SORCS2: variants seen among roughly 807,000 people sequenced by gnomAD.
SORCS2 encodes the protein sortilin related VPS10 domain containing receptor 2, also known as VPS10 domain-containing receptor SorCS2.
SORCS2 carries 100 observed loss-of-function variants against 141.6 expected under a neutral mutation model. That is an observed-to-expected ratio of 0.71 (90% confidence interval 0.60 to 0.83). The LOEUF (loss-of-function observed/expected upper bound fraction) is 0.83. Among genes scored for constraint, SORCS2 ranks in the 40% least tolerant of loss-of-function variants. The probability of loss-of-function intolerance (pLI) is 0.00; values close to 1 mark genes in which losing one functional copy is unlikely to be tolerated. For synonymous variants in SORCS2, 789 were observed against 676.9 expected, an observed-to-expected ratio of 1.17 and a Z score of -2.57; for missense variants, 1,646 against 1,560.2, an observed-to-expected ratio of 1.05 and a Z score of -0.93.
chr4:7,601,779 A>G (rs1717701658), intron 3 of SORCS2, among the ~76,000 whole-genome samples: 1 of 152,104 alleles, frequency 6.6e-6, no homozygotes, highest in Non-Finnish European at 1.5e-5. Context: ...AAACATGTGA[A>G]CAAAGGTCTC....
At chr4:7,287,159 G>A (rs528830749) in intron 1 of SORCS2, among the ~76,000 whole-genome samples, 8 of 152,316 alleles carry the variant, frequency 5.3e-5, no homozygotes, top group African/African-American at 1.9e-4. Context: ...TGCCCAATGA[G>A]GGGTGCAAAG....
chr4:7,690,862 T>C (rs1028758785), intron 11 of SORCS2, among the ~76,000 whole-genome samples: 2 of 152,218 alleles, frequency 1.3e-5, no homozygotes, highest in Non-Finnish European at 2.9e-5. Context: ...TTTGTGTTTG[T>C]CTCTTCCACT....
In SORCS2 at chr4:7,729,437, G is replaced by A. The variant is rs548534822; in HGVS notation, c.2983-150G>A. On this transcript the variant is annotated intron_variant, in intron 22 of 26. Coordinates refer to ENST00000507866, the MANE Select transcript of SORCS2 (RefSeq NM_020777.3). Reference sequence around the variant, plus strand: ...GTAGCTCAGGGTACCCTGGGACCCTGGAAGGATCCCCACGCCATGCAGGGG... The same window carrying A: ...GTAGCTCAGGGTACCCTGGGACCCTAGAAGGATCCCCACGCCATGCAGGGG... 4.6e-6 allele frequency: 5 copies of A among 1,082,980 alleles called. No homozygotes were observed. In the East Asian group the frequency reaches 1.1e-4, roughly 23 times the overall value. 67.1% of individuals were successfully genotyped at this position (1,082,980 alleles called of 1,614,324 possible).
At chr4:7,502,962 C>G (rs1394707063) in intron 2 of SORCS2, among the ~76,000 whole-genome samples, 2 of 152,202 alleles carry the variant, frequency 1.3e-5, no homozygotes, top group Non-Finnish European at 2.9e-5. Flanking sequence ...TCTGTCTACT[C>G]CTTTATTTCT....
intron 2 of SORCS2, among the ~76,000 whole-genome samples, chr4:7,441,418 G>C (rs1221267733): frequency 2.0e-5 from 3 of 152,220 alleles, no homozygotes; most frequent in Non-Finnish European, 4.4e-5. Flanking sequence ...GATGAGCTGG[G>C]TGAGGGTGGC....
chr4:7,436,831 G>A (rs1577562084), intron 2 of SORCS2, among the ~76,000 whole-genome samples: 1 of 152,226 alleles, frequency 6.6e-6, no homozygotes, highest in African/African-American at 2.4e-5. Flanking sequence ...TTCTGTGTAT[G>A]TCTTGGATGC....
intron 1 of SORCS2, among the ~76,000 whole-genome samples, chr4:7,276,458 C>G (rs113487509): frequency 6.6e-6 from 1 of 152,038 alleles, no homozygotes; most frequent in Admixed American, 6.5e-5. Flanking sequence ...TCTGTTCAGC[C>G]CCCAAACCCA....
intron 4 of SORCS2, among the ~76,000 whole-genome samples, chr4:7,643,508 C>T (rs115438191): frequency 0.033 from 5,074 of 152,232 alleles, 112 homozygotes; most frequent in South Asian, 0.039. Context: ...CCCAGGATTG[C>T]CTTTTAGAAA....
rs557650321 is a variant in SORCS2, at chr4:7,509,522, C to T, written c.549-22008C>T. 1.4e-4 allele frequency among the ~76,000 whole-genome samples: 22 copies of T among 152,288 alleles called. No homozygotes were observed. The South Asian group carries it at 3.5e-3, about 24-fold the overall frequency. On this transcript the variant is annotated intron_variant, in intron 2 of 26. Transcript: ENST00000507866. ...AGACATTTCCATGTCCATACTCACC[C>T]GCACTCGCCACTCACGGGAGGACTC...
chr4:7,265,997 C>G (rs1394877906), intron 1 of SORCS2, among the ~76,000 whole-genome samples: 1 of 152,212 alleles, frequency 6.6e-6, no homozygotes, highest in Non-Finnish European at 1.5e-5. Context: ...TACTCTTCCT[C>G]CGTGTCATCC....
intron 1 of SORCS2, among the ~76,000 whole-genome samples, chr4:7,271,006 T>C (rs1374838084): frequency 6.6e-6 from 1 of 152,112 alleles, no homozygotes; most frequent in Non-Finnish European, 1.5e-5. Flanking sequence ...TATGAAAGAG[T>C]GGAGCACAGC....
At chr4:7,423,494 A>T (rs2109197449) in intron 2 of SORCS2, among the ~76,000 whole-genome samples, 1 of 152,208 alleles carries the variant, frequency 6.6e-6, no homozygotes, top group South Asian at 2.1e-4. Context: ...AACTCACTGG[A>T]GGCTCGAACT....
At chr4:7,208,626 G>A (rs182793208) in intron 1 of SORCS2, among the ~76,000 whole-genome samples, 7 of 152,278 alleles carry the variant, frequency 4.6e-5, no homozygotes, top group South Asian at 2.1e-4. Flanking sequence ...TGGTCCCAGC[G>A]GGATGCCAGG....
intron 2 of SORCS2, among the ~76,000 whole-genome samples, chr4:7,448,741 C>T (rs1424225211): frequency 8.2e-6 from 1 of 121,846 alleles, no homozygotes; most frequent in African/African-American, 3.2e-5. Context: ...TTCCGTACTT[C>T]CTCTCCCCTC....
chr4:7,461,371 G>T (rs1041363819), intron 2 of SORCS2, among the ~76,000 whole-genome samples: 1 of 152,098 alleles, frequency 6.6e-6, no homozygotes, highest in Non-Finnish European at 1.5e-5. Flanking sequence ...GCAGGGGGAT[G>T]GCCGAGCTTC....
chr4:7,573,271 T>G (rs1270110771), intron 3 of SORCS2, among the ~76,000 whole-genome samples: 3 of 152,250 alleles, frequency 2.0e-5, no homozygotes, highest in African/African-American at 7.2e-5. Flanking sequence ...ATTTCAAAAG[T>G]CTCCTATTGA....
At chr4:7,693,096 G>A (rs992093900) in intron 11 of SORCS2, among the ~76,000 whole-genome samples, 2 of 152,222 alleles carry the variant, frequency 1.3e-5, no homozygotes, top group Non-Finnish European at 2.9e-5. Context: ...CCGACTGGGC[G>A]TGTTGCAGGA....
intron 12 of SORCS2, among the ~76,000 whole-genome samples, chr4:7,698,785 C>T (rs549428406): frequency 2.6e-5 from 4 of 151,988 alleles, no homozygotes; most frequent in East Asian, 1.9e-4. Flanking sequence ...GCCTGGCTGG[C>T]GGTACAGGAC....
intron 1 of SORCS2, among the ~76,000 whole-genome samples, chr4:7,214,670 G>C (rs1235829142): frequency 6.6e-6 from 1 of 152,194 alleles, no homozygotes; most frequent in African/African-American, 2.4e-5. Flanking sequence ...TTCCAGCTGG[G>C]ATACCTCCAG....
Sources: gnomAD v4.1 joint callset for allele counts (sites outside exome capture counted in the v4.1 genomes callset) on GRCh38, gnomAD v4.1.1 for gene constraint, MANE v1.5 for transcripts, NCBI Gene and HGNC (gene_info 2026-07-23, HGNC 2026-07-21) for gene names.